Variants in GSK3B observed in about 807,000 individuals in gnomAD.
GSK3B encodes the protein glycogen synthase kinase-3 beta.
A neutral mutation model predicts 56.4 loss-of-function variants in GSK3B; 15 were observed. The ratio of observed to expected loss-of-function variants is 0.27; its 90% CI spans 0.18 to 0.41. The LOEUF (loss-of-function observed/expected upper bound fraction) is 0.41. Ranked by LOEUF, GSK3B falls within the 10% of genes least tolerant of loss-of-function variation. GSK3B has a pLI of 1.00. For missense variants in GSK3B, 300 were observed against 513.4 expected (o/e 0.58, Z 4.02); for synonymous variants, 181 against 188.9 (o/e 0.96, Z 0.34).
At chr3:120,085,645 C>CA (rs1299306691) in intron 1 of GSK3B, among the ~76,000 whole-genome samples, 1 of 152,034 alleles carries the variant, frequency 6.6e-6, no homozygotes, top group Admixed American at 6.6e-5. Context: ...ACTACAAATA[C>CA]AAAAAAATTA....
intron 1 of GSK3B, among the ~76,000 whole-genome samples, chr3:120,040,563 G>A (rs1232025718): frequency 6.6e-6 from 1 of 151,944 alleles, no homozygotes; most frequent in African/African-American, 2.4e-5. Context: ...AGAAGAATAG[G>A]CAAGAAGTCT....
rs375310556 is a variant in GSK3B at position 120,010,831 on chromosome 3, G to A, written c.89-8592C>T. The stretch of plus-strand genomic sequence containing the variant: ...ACCTGTAATCCCAGCACTTTGGGAG[G>A]CCAAGGTGGGCGGATCACTCAAGGC... On this transcript the variant is annotated intron_variant, in intron 1 of 10. Transcript: ENST00000264235. Among the ~76,000 whole-genome samples the A allele has an allele frequency of 2.0e-5, 3 of 152,206 alleles. No individual in the cohort carries two copies. In the East Asian group the frequency reaches 5.8e-4, roughly 29 times the overall value.
chr3:120,047,010 A>G (rs2107537900), intron 1 of GSK3B, among the ~76,000 whole-genome samples: 1 of 152,326 alleles, frequency 6.6e-6, no homozygotes, highest in South Asian at 2.1e-4. Context: ...CAGGAACATG[A>G]ATCAGAATAC....
intron 2 of GSK3B, among the ~76,000 whole-genome samples, chr3:119,979,169 T>C (rs1383860949): frequency 6.6e-6 from 1 of 152,178 alleles, no homozygotes; most frequent in African/African-American, 2.4e-5. Context: ...ATCTTTAACT[T>C]GCAAATTCTC....
rs573595831 is a variant in GSK3B, at chr3:119,969,701, C to G, written c.283-22350G>C. ...AAACAAATATGGTCAACTAAACTTT[C>G]ACAAAGGAACAAAGCAATTTCAATG... On this transcript the variant is annotated intron_variant, in intron 2 of 10. Transcript: ENST00000264235. Among the ~76,000 whole-genome samples, 5 of 152,272 alleles carry G rather than the reference C, an allele frequency of 3.3e-5. No individual in the cohort carries two copies. In the South Asian group the frequency reaches 1.0e-3, roughly 32 times the overall value.
intron 7 of GSK3B, among the ~76,000 whole-genome samples, chr3:119,891,703 T>C (rs138839119): frequency 6.6e-6 from 1 of 152,102 alleles, no homozygotes; most frequent in African/African-American, 2.4e-5. Flanking sequence ...TTTTTTGACT[T>C]AAAGGAAATT....
intron 2 of GSK3B, among the ~76,000 whole-genome samples, chr3:119,976,925 A>G (rs2057414298): frequency 1.3e-5 from 2 of 152,142 alleles, no homozygotes; most frequent in African/African-American, 4.8e-5. Flanking sequence ...AAAAAGTGAG[A>G]AAACTTAAAA....
chr3:119,836,897 A>G (rs1306245766), intron 10 of GSK3B, among the ~76,000 whole-genome samples: 1 of 152,166 alleles, frequency 6.6e-6, no homozygotes, highest in Non-Finnish European at 1.5e-5. Flanking sequence ...AGTTGCTTGG[A>G]TGGAGGTAAA....
chr3:120,034,380 C>A (rs2058004789), intron 1 of GSK3B, among the ~76,000 whole-genome samples: 1 of 152,114 alleles, frequency 6.6e-6, no homozygotes, highest in South Asian at 2.1e-4. Flanking sequence ...GGTCTTTAAT[C>A]CATTTTGACA....
At chr3:119,936,351 TA>T (rs1315855067) in intron 3 of GSK3B, among the ~76,000 whole-genome samples, 144 of 97,880 alleles carry the variant, frequency 1.5e-3, no homozygotes, top group African/African-American at 3.8e-3. Flanking sequence ...TATATATATA[TA>T]TATTTTTTTT....
intron 1 of GSK3B, among the ~76,000 whole-genome samples, chr3:120,061,722 A>AATTTATTTATTT (rs200808389): frequency 1.3e-5 from 2 of 151,960 alleles, no homozygotes; most frequent in East Asian, 3.9e-4. Context: ...AGAATATATG[A>AATTTATTTATTT]ATTTATTTAT....
At chr3:119,914,238 TG>T (rs1213818739) in intron 5 of GSK3B, among the ~76,000 whole-genome samples, 2 of 152,194 alleles carry the variant, frequency 1.3e-5, no homozygotes, top group African/African-American at 4.8e-5. Context: ...AATAGTATTT[TG>T]TTCAAATTAC....
intron 3 of GSK3B, among the ~76,000 whole-genome samples, chr3:119,945,434 C>G (rs1260962290): frequency 6.6e-6 from 1 of 152,048 alleles, no homozygotes; most frequent in Non-Finnish European, 1.5e-5. Context: ...TCTGTAAGAA[C>G]CTTTAAGATA....
At chr3:120,084,429 T>C (rs537313732) in intron 1 of GSK3B, 94 of 152,294 alleles carry the variant, frequency 6.2e-4, no homozygotes, top group African/African-American at 2.1e-3. Context: ...TTCTAAGAAG[T>C]AGGACTGGAG....
chr3:120,087,350 G>A (rs1385507390), intron 1 of GSK3B, among the ~76,000 whole-genome samples: 2 of 152,112 alleles, frequency 1.3e-5, no homozygotes, highest in Non-Finnish European at 2.9e-5. Context: ...GGCCAACACA[G>A]TGAAACTCCG....
chr3:120,019,740 G>T (rs968603786), intron 1 of GSK3B, among the ~76,000 whole-genome samples: 2 of 152,112 alleles, frequency 1.3e-5, no homozygotes, highest in African/African-American at 4.8e-5. Flanking sequence ...CCAGACTCCC[G>T]CAAGTCTCTA....
intron 3 of GSK3B, among the ~76,000 whole-genome samples, chr3:119,934,573 T>C (rs986465575): frequency 1.3e-5 from 2 of 152,192 alleles, no homozygotes; most frequent in Non-Finnish European, 2.9e-5. Context: ...TTTGTAAATG[T>C]AATGTGGTAT....
intron 3 of GSK3B, among the ~76,000 whole-genome samples, chr3:119,928,057 T>C (rs2056905113): frequency 6.6e-6 from 1 of 152,176 alleles, no homozygotes. Context: ...TTTCAGACCA[T>C]GGTGCCAGTA....
chr3:119,981,804 T>C (rs978408840), intron 2 of GSK3B, among the ~76,000 whole-genome samples: 1 of 152,214 alleles, frequency 6.6e-6, no homozygotes, highest in Admixed American at 6.5e-5. Context: ...TCTGCAGACA[T>C]AAACGTCCCT....
Sources: gnomAD v4.1 joint callset for allele counts (sites outside exome capture counted in the v4.1 genomes callset) on GRCh38, gnomAD v4.1.1 for gene constraint, MANE v1.5 for transcripts, NCBI Gene and HGNC (gene_info 2026-07-23, HGNC 2026-07-21) for gene names.